FABP12: variants seen among roughly 807,000 people sequenced by gnomAD.
FABP12 encodes the protein fatty acid binding protein 12.
Under a neutral mutation model 13.7 loss-of-function variants are expected in FABP12, and 19 were observed. The observed-to-expected ratio is 1.39, with a 90% CI of 0.97 to 2.04. FABP12 has a LOEUF of 2.04. FABP12 is among the 30% of genes most tolerant of loss of function. The pLI, the probability that FABP12 is intolerant of heterozygous loss-of-function variation, is 0.00. For synonymous variants in FABP12, 61 were observed against 57.0 expected, an observed-to-expected ratio of 1.07 and a Z score of -0.32; for missense variants, 182 against 164.2, an observed-to-expected ratio of 1.11 and a Z score of -0.59.
chr8:81,569,214 T>A (rs917804669), intron 1 of FABP12, among the ~76,000 whole-genome samples: 3 of 152,244 alleles, frequency 2.0e-5, no homozygotes, highest in African/African-American at 7.2e-5. Flanking sequence ...AAATCTCATG[T>A]ACCTCATAAA....
intron 1 of FABP12, among the ~76,000 whole-genome samples, chr8:81,546,124 T>C (rs114723521): frequency 0.036 from 5,496 of 152,292 alleles, 227 homozygotes; most frequent in African/African-American, 0.099. Context: ...ATAGATAATT[T>C]ATTGGAATGA....
At chr8:81,546,536 G>A (rs1473907851) in intron 1 of FABP12, among the ~76,000 whole-genome samples, 3 of 151,756 alleles carry the variant, frequency 2.0e-5, no homozygotes, top group Admixed American at 6.6e-5. Flanking sequence ...GGTGGCGGGC[G>A]CCTATAGTTC....
intron 1 of FABP12, among the ~76,000 whole-genome samples, chr8:81,574,406 G>A (rs1008807756): frequency 6.6e-6 from 1 of 152,070 alleles, no homozygotes; most frequent in African/African-American, 2.4e-5. Flanking sequence ...ATACCAGTCT[G>A]TAGTTTTCTT....
intron 1 of FABP12, among the ~76,000 whole-genome samples, chr8:81,588,367 T>C (rs2130116872): frequency 6.6e-6 from 1 of 152,336 alleles, no homozygotes; most frequent in Non-Finnish European, 1.5e-5. Flanking sequence ...GACAGATTGC[T>C]CTGGCTAGGA....
chr8:81,546,686 T>C (rs140239547), intron 1 of FABP12, among the ~76,000 whole-genome samples: 1 of 152,078 alleles, frequency 6.6e-6, no homozygotes, highest in Non-Finnish European at 1.5e-5. Flanking sequence ...AAAATAAAAA[T>C]TTCAAAATAT....
chr8:81,536,300 T>G (rs1488973472), upstream of FABP12, among the ~76,000 whole-genome samples: 2 of 152,190 alleles, frequency 1.3e-5, no homozygotes, highest in Non-Finnish European at 2.9e-5. Context: ...ACACACACAC[T>G]TTTTCTTTCT....
intron 1 of FABP12, among the ~76,000 whole-genome samples, chr8:81,570,026 T>A (rs1414307505): frequency 1.3e-5 from 2 of 152,232 alleles, no homozygotes; most frequent in Non-Finnish European, 1.5e-5. Context: ...CACTGTGCAG[T>A]CAGGCATGCC....
At chr8:81,557,421 A>G (rs1809638402) in intron 1 of FABP12, among the ~76,000 whole-genome samples, 1 of 152,282 alleles carries the variant, frequency 6.6e-6, no homozygotes, top group African/African-American at 2.4e-5. Flanking sequence ...AACCTTCTTC[A>G]TATAACATGG....
chr8:81,553,643 T>C (rs1809559937), intron 1 of FABP12, among the ~76,000 whole-genome samples: 1 of 152,212 alleles, frequency 6.6e-6, no homozygotes, highest in Non-Finnish European at 1.5e-5. Context: ...GAGATTCGAA[T>C]ACAGAGTTTC....
intron 1 of FABP12, among the ~76,000 whole-genome samples, chr8:81,560,009 C>G (rs753624020): frequency 2.4e-4 from 36 of 152,168 alleles, no homozygotes; most frequent in Admixed American, 6.5e-4. Flanking sequence ...TTCTGTCCTT[C>G]CATCCTCATC....
intron 1 of FABP12, among the ~76,000 whole-genome samples, chr8:81,544,355 C>T (rs910421370): frequency 1.1e-4 from 17 of 152,186 alleles, no homozygotes; most frequent in Non-Finnish European, 2.2e-4. Flanking sequence ...TCGGCCTTGC[C>T]TTTTCCAGCT....
At chr8:81,535,901 C>T (rs377611597), upstream of FABP12, among the ~76,000 whole-genome samples, 4 of 152,262 alleles carry the variant, frequency 2.6e-5, no homozygotes, top group Non-Finnish European at 1.5e-5. Flanking sequence ...CCATCCATTC[C>T]TGCCTTCTTT....
intron 1 of FABP12, among the ~76,000 whole-genome samples, chr8:81,567,471 G>A (rs1365921831): frequency 6.6e-6 from 1 of 152,130 alleles, no homozygotes; most frequent in Non-Finnish European, 1.5e-5. Flanking sequence ...ACATAGACCA[G>A]TGGGACACAA....
chr8:81,574,426 G>A (rs1226692097), intron 1 of FABP12, among the ~76,000 whole-genome samples: 1 of 151,292 alleles, frequency 6.6e-6, no homozygotes, highest in Non-Finnish European at 1.5e-5. Context: ...TTTTTTGTTT[G>A]TGTCCTTTCC....
upstream of FABP12, among the ~76,000 whole-genome samples, chr8:81,537,352 CCT>C (rs1360820843): frequency 6.6e-6 from 1 of 152,076 alleles, no homozygotes; most frequent in East Asian, 1.9e-4. Context: ...GGTTAATGAG[CCT>C]GTTAAATTAT....
chr8:81,587,477 T>C (rs898568724), intron 1 of FABP12, among the ~76,000 whole-genome samples: 1 of 152,110 alleles, frequency 6.6e-6, no homozygotes, highest in African/African-American at 2.4e-5. Flanking sequence ...TGAACAGTGT[T>C]TTGTAATTCT....
intron 1 of FABP12, among the ~76,000 whole-genome samples, chr8:81,587,411 TCCTA>T (rs1810255903): frequency 6.6e-6 from 1 of 152,218 alleles, no homozygotes; most frequent in Admixed American, 6.5e-5. Flanking sequence ...TATTGGTTCT[TCCTA>T]TCCATGAGCA....
chr8:81,527,035 A>G, exon 4 of FABP12: 6 of 1,608,110 alleles, frequency 3.7e-6, no homozygotes, highest in Non-Finnish European at 4.2e-6. Flanking sequence ...CCATTTTCCC[A>G]TCCACCAGCT....
intron 1 of FABP12, among the ~76,000 whole-genome samples, chr8:81,544,188 G>C (rs1809398069): frequency 6.6e-6 from 1 of 152,134 alleles, no homozygotes; most frequent in South Asian, 2.1e-4. Context: ...AGATTCCTAG[G>C]GCTGTTGTAA....
Sources: gnomAD v4.1 joint callset for allele counts (sites outside exome capture counted in the v4.1 genomes callset) on GRCh38, gnomAD v4.1.1 for gene constraint, MANE v1.5 for transcripts, NCBI Gene and HGNC (gene_info 2026-07-23, HGNC 2026-07-21) for gene names.